Variants in CRADD observed in about 807,000 individuals in gnomAD.
CRADD encodes CARD and death domain containing adaptor protein, also known as death domain-containing protein CRADD.
A neutral mutation model predicts 15.5 loss-of-function variants in CRADD; 9 were observed. The ratio of observed to expected loss-of-function variants is 0.58; its 90% CI spans 0.35 to 1.01. CRADD has a LOEUF of 1.01. Ranked by LOEUF, CRADD falls within the 50% of genes least tolerant of loss-of-function variation. The pLI, the probability that CRADD is intolerant of heterozygous loss-of-function variation, is 0.02. For missense variants in CRADD, 227 were observed against 250.3 expected (o/e 0.91, Z 0.63); for synonymous variants, 118 against 107.6 (o/e 1.10, Z -0.60).
chr12:93,754,229 G>C (rs1250423309), intron 2 of CRADD, among the ~76,000 whole-genome samples: 1 of 152,210 alleles, frequency 6.6e-6, no homozygotes, highest in Non-Finnish European at 1.5e-5. Flanking sequence ...CCAAGTCCTA[G>C]GTTCACACAG....
chr12:93,710,896 A>G (rs1956054063), intron 2 of CRADD, among the ~76,000 whole-genome samples: 1 of 152,096 alleles, frequency 6.6e-6, no homozygotes, highest in African/African-American at 2.4e-5. Context: ...AGGTATTATT[A>G]GTGAAGTCCA....
At position 93,884,157 on chromosome 12, in the gene CRADD, A is replaced by C. The variant is rs143602464; in HGVS notation, c.299-9893A>C. Among the ~76,000 whole-genome samples the C allele has an allele frequency of 3.7e-3, 565 of 152,354 alleles. 4 individuals carry two copies. The highest frequency in any genetic ancestry group is 0.013 in the African/African-American group (539 of 41,584). ...ACTGTCTGGGGAGGCTGGCTACCAC[A>C]GTTCTCCAGAGACAGGCAGAGGACA... On this transcript the variant is annotated intron_variant, in intron 2 of 2. Transcript: ENST00000548483.
chr12:93,785,632 T>C (rs1268298971), intron 2 of CRADD, among the ~76,000 whole-genome samples: 2 of 152,080 alleles, frequency 1.3e-5, no homozygotes, highest in Non-Finnish European at 2.9e-5. Context: ...TGAAAGAAAA[T>C]AGATGTGAAG....
At position 93,824,419 on chromosome 12, in the gene CRADD, C is replaced by T. The variant is rs1555226797; in HGVS notation, c.299-25551C>T. Reference sequence around the variant, plus strand: ...AAACACACACACACTCATACACACACATACACACACACACACACACACTAC... The same window carrying T: ...AAACACACACACACTCATACACACATATACACACACACACACACACACTAC... On this transcript the variant is annotated intron_variant, in intron 2 of 2. Coordinates refer to ENST00000332896, the MANE Select transcript of CRADD (RefSeq NM_003805.5). The surrounding 1 kb of genome is among the most constrained non-coding windows in gnomAD (Gnocchi z 4.3). 8.4e-6 allele frequency among the ~76,000 whole-genome samples: 1 copy of T among 118,974 alleles called. No homozygotes were observed. Among genetic ancestry groups the T allele is most frequent in the East Asian group, 3.6e-4 (1 of 2,752 alleles). The allele number at this position is 118,974 out of a possible 152,430, so 78.1% of individuals were successfully genotyped here. A position where few individuals can be genotyped will look rare whatever the true frequency, so the allele number is the denominator to read the frequency against.
At chr12:93,873,056 C>CT (rs1958433862) in intron 2 of CRADD, among the ~76,000 whole-genome samples, 1 of 151,748 alleles carries the variant, frequency 6.6e-6, no homozygotes, top group Admixed American at 6.6e-5. Context: ...ATATTTTTCT[C>CT]TTTTTTTGGT....
chr12:93,694,351 G>A (rs1397280018), intron 2 of CRADD, among the ~76,000 whole-genome samples: 1 of 152,020 alleles, frequency 6.6e-6, no homozygotes, highest in Admixed American at 6.6e-5. Flanking sequence ...GGACAGACTC[G>A]TAGCTAACTT....
chr12:93,736,569 G>A (rs1349604563), intron 2 of CRADD, among the ~76,000 whole-genome samples: 1 of 152,174 alleles, frequency 6.6e-6, no homozygotes, highest in Non-Finnish European at 1.5e-5. Context: ...TGGATATAGG[G>A]TATGATAAAT....
intron 2 of CRADD, among the ~76,000 whole-genome samples, chr12:93,746,503 A>AT (rs1482278153): frequency 4.0e-5 from 6 of 151,872 alleles, no homozygotes; most frequent in Admixed American, 2.6e-4. Flanking sequence ...GAACCTGATA[A>AT]TTTTTTTTGC....
intron 2 of CRADD, among the ~76,000 whole-genome samples, chr12:93,695,127 A>G (rs1203032367): frequency 1.3e-5 from 2 of 152,180 alleles, no homozygotes; most frequent in Non-Finnish European, 2.9e-5. Flanking sequence ...AGACACATAG[A>G]CCAATGGAAC....
At chr12:93,765,862 G>A (rs1248505493) in intron 2 of CRADD, among the ~76,000 whole-genome samples, 1 of 148,630 alleles carries the variant, frequency 6.7e-6, no homozygotes, top group East Asian at 2.0e-4. Flanking sequence ...TTTTTTTTCT[G>A]TGAATTAGTA....
chr12:93,756,329 C>T lies in CRADD; in HGVS notation c.298+77257C>T, dbSNP rs577367866. Among the ~76,000 whole-genome samples, 14 of 152,204 alleles carry T rather than the reference C, an allele frequency of 9.2e-5. 1 individual carries two copies. The East Asian group carries it at 1.9e-3, about 21-fold the overall frequency. ...TGGGAATGACTCACCATAAGTTCAG[C>T]GATATTAAGATTAGTTAAGCCATGA... On this transcript the variant is annotated intron_variant, in intron 2 of 2. Coordinates refer to ENST00000332896, the MANE Select transcript of CRADD (RefSeq NM_003805.5).
At chr12:93,681,112 G>A (rs530921113) in intron 2 of CRADD, among the ~76,000 whole-genome samples, 61 of 152,138 alleles carry the variant, frequency 4.0e-4, no homozygotes, top group East Asian at 7.7e-4. Context: ...TTAAACTCCC[G>A]ACCTCAGGTG....
At chr12:93,753,783 G>T (rs1428094158) in intron 2 of CRADD, among the ~76,000 whole-genome samples, 13 of 152,224 alleles carry the variant, frequency 8.5e-5, no homozygotes, top group Non-Finnish European at 1.6e-4. Flanking sequence ...GGCTTTGCAG[G>T]GTATAGCCCC....
intron 2 of CRADD, among the ~76,000 whole-genome samples, chr12:93,716,389 A>G (rs1173013374): frequency 6.6e-6 from 1 of 152,150 alleles, no homozygotes; most frequent in African/African-American, 2.4e-5. Flanking sequence ...GTTATTACCC[A>G]AAGTCCATAG....
At chr12:93,725,398 G>C (rs1169351576) in intron 2 of CRADD, among the ~76,000 whole-genome samples, 5 of 152,116 alleles carry the variant, frequency 3.3e-5, no homozygotes, top group Middle Eastern at 3.2e-3. Flanking sequence ...TTCTCACACT[G>C]TCCTGTTTTG....
chr12:93,703,465 A>G (rs1443520618), intron 2 of CRADD, among the ~76,000 whole-genome samples: 1 of 148,894 alleles, frequency 6.7e-6, no homozygotes, highest in African/African-American at 2.5e-5. Context: ...TGCTCAAGCA[A>G]CCCTCCCACT....
chr12:93,700,652 G>A (rs915519538), intron 2 of CRADD, among the ~76,000 whole-genome samples: 19 of 152,098 alleles, frequency 1.2e-4, no homozygotes, highest in African/African-American at 4.3e-4. Context: ...GGCTGGTCTC[G>A]ATCTCCTGAC....
At chr12:93,814,814 C>G (rs1957673012) in intron 2 of CRADD, among the ~76,000 whole-genome samples, 1 of 152,174 alleles carries the variant, frequency 6.6e-6, no homozygotes. Context: ...GTGAAACCAG[C>G]CACATAAATT....
intron 2 of CRADD, among the ~76,000 whole-genome samples, chr12:93,744,357 A>AT (rs1403190128): frequency 7.9e-5 from 12 of 152,228 alleles, no homozygotes; most frequent in Admixed American, 2.0e-4. Flanking sequence ...GAGGTTGCCC[A>AT]TCTACATCTT....
Sources: allele counts gnomAD v4.1 joint callset (sites outside exome capture counted in the v4.1 genomes callset), GRCh38; gene constraint gnomAD v4.1.1; non-coding constraint Gnocchi (gnomAD v3.1); transcripts MANE v1.5; gene names NCBI Gene and HGNC (gene_info 2026-07-23, HGNC 2026-07-21).